The following ZMYND8 variants were observed in gnomAD, a reference collection of about 807,000 sequenced individuals.
ZMYND8 encodes the protein zinc finger MYND-type containing 8.
In ZMYND8, 37 loss-of-function variants were observed where a neutral mutation model predicts 140.8. The observed-to-expected ratio is 0.26, with a 90% confidence interval of 0.20 to 0.35. The LOEUF is 0.35. ZMYND8 is among the 10% of genes least tolerant of loss of function. The probability of loss-of-function intolerance (pLI) is 1.00; values close to 1 mark genes in which losing one functional copy is unlikely to be tolerated. For synonymous variants in ZMYND8, 592 were observed against 597.1 expected, an observed-to-expected ratio of 0.99 and a Z score of 0.12; for missense variants, 1,068 against 1,570.0, an observed-to-expected ratio of 0.68 and a Z score of 5.40.
intron 2 of ZMYND8, chr20:47,319,292 G>A (rs564479529): frequency 1.6e-5 from 5 of 316,064 alleles, no homozygotes; most frequent in Non-Finnish European, 2.5e-5. Context: ...GCAGTGCACC[G>A]AAGAGCCATT....
chr20:47,254,288 C>T (rs372533590), intron 12 of ZMYND8, among the ~76,000 whole-genome samples: 1 of 152,142 alleles, frequency 6.6e-6, no homozygotes, highest in African/African-American at 2.4e-5. Context: ...AAATCAGAAC[C>T]ACCTCTTTAG....
At chr20:47,313,817 C>G (rs1438947735) in intron 2 of ZMYND8, among the ~76,000 whole-genome samples, 1 of 151,800 alleles carries the variant, frequency 6.6e-6, no homozygotes, top group African/African-American at 2.4e-5. Flanking sequence ...CCTATAGTCC[C>G]AGCTACTTGG....
intron 21 of ZMYND8, among the ~76,000 whole-genome samples, chr20:47,215,383 A>G (rs2035938002): frequency 6.6e-6 from 1 of 151,258 alleles, no homozygotes. Context: ...AAATACTAAT[A>G]ATAATAATAA....
Position 47,221,364 on chromosome 20 carries a change from C to T in ZMYND8, c.3367G>A (p.Ala1123Thr), listed in dbSNP as rs143716806. Residue 1123 changes from alanine (A) to threonine (T), a missense_variant, in exon 20 of 23, where the codon GCC (alanine) becomes ACC (threonine). Physicochemically the swap from Ala to Thr is moderately conservative, Grantham distance 58. Around this residue, in one of 10 missense-constraint regions of ZMYND8, gnomAD observed 180 missense variants for 187.8 expected, o/e 0.96. Coordinates refer to ENST00000471951, the MANE Select transcript of ZMYND8 (RefSeq NM_001281775.3). ...TQSAPSETAS[A>T]SKEKETSAEK... is the part of the protein sequence containing the mutation. ...GCTGACGTCTCCTTCTCTTTGGAGGCGCTGGCCGTTTCTGAAGGTGCTGAT... is the reference window on the plus strand; with the variant it reads ...GCTGACGTCTCCTTCTCTTTGGAGGTGCTGGCCGTTTCTGAAGGTGCTGAT... 381 of 1,614,182 alleles carry T rather than the reference C, an allele frequency of 2.4e-4. No individual in the cohort carries two copies. Among genetic ancestry groups the T allele is most frequent in the Middle Eastern group, 1.7e-3 (10 of 6,058 alleles).
intron 19 of ZMYND8, among the ~76,000 whole-genome samples, chr20:47,223,349 T>C (rs2037254864): frequency 6.6e-6 from 1 of 151,248 alleles, no homozygotes; most frequent in African/African-American, 2.4e-5. Context: ...CTACTAATAA[T>C]ACAAAAATTA....
intron 15 of ZMYND8, chr20:47,237,471 C>T (rs1162680916): frequency 6.6e-6 from 1 of 152,072 alleles, no homozygotes; most frequent in Non-Finnish European, 1.5e-5. Context: ...TTCTTGGTAG[C>T]AATTAAACTC....
rs552024226 is a variant in ZMYND8 at position 47,330,297 on chromosome 20, C to T, written c.85+17559G>A. Among the ~76,000 whole-genome samples, 58 of 152,106 alleles carry T rather than the reference C, an allele frequency of 3.8e-4. 1 individual carries two copies. The South Asian group carries it at 0.011, about 30-fold the overall frequency. ...CTCCACCTTCTGGGCTCAAGATATC[C>T]TCCCACCTCAGCCTCCCAAGTAGCT... On this transcript the variant is annotated intron_variant, in intron 2 of 22. Transcript: ENST00000471951.
At chr20:47,316,738 T>C (rs1248193938) in intron 2 of ZMYND8, among the ~76,000 whole-genome samples, 2 of 149,864 alleles carry the variant, frequency 1.3e-5, no homozygotes, top group Non-Finnish European at 3.0e-5. Context: ...GAGGTTGTGG[T>C]GAGCCAAGAT....
At position 47,229,794 on chromosome 20, in the gene ZMYND8, T is replaced by C. The variant is rs550264347; in HGVS notation, c.2869A>G (p.Ile957Val). ...TATATTTCTGTCATTGTTCCTTTTA[T>C]TGCATCCATCATCTGAAAGATAAAA... Reference protein sequence around the residue: ...AKYTSKMMDAIKGTMTEIYND... With the variant: ...AKYTSKMMDAVKGTMTEIYND... Residue 957 changes from isoleucine (I) to valine (V), a missense_variant, in exon 17 of 23, where the codon ATA (isoleucine) becomes GTA (valine). By Grantham distance (29) the Ile-to-Val change is conservative (BLOSUM62 3). Transcript: ENST00000471951. 8 of 1,612,986 alleles carry C rather than the reference T, an allele frequency of 5.0e-6. No homozygotes were observed. Among genetic ancestry groups the C allele is most frequent in the South Asian group, 2.2e-5 (2 of 90,826 alleles).
At chr20:47,256,022 G>A (rs1267233366) in intron 12 of ZMYND8, among the ~76,000 whole-genome samples, 2 of 148,004 alleles carry the variant, frequency 1.4e-5, no homozygotes, top group African/African-American at 2.5e-5. Context: ...GCAGAGAGCC[G>A]AGATTGTACC....
At chr20:47,328,415 A>C (rs2148424127) in intron 2 of ZMYND8, among the ~76,000 whole-genome samples, 1 of 151,790 alleles carries the variant, frequency 6.6e-6, no homozygotes, top group Admixed American at 6.6e-5. Flanking sequence ...ACTGATTTTT[A>C]TCATTTGAAA....
intron 6 of ZMYND8, 115 bp from the exon 7 acceptor site, chr20:47,290,389 CTTCTA>C: frequency 1.3e-6 from 1 of 790,910 alleles, no homozygotes; most frequent in African/African-American, 1.8e-5. Flanking sequence ...AATTAGTGTT[CTTCTA>C]TTCATTTCCC....
At chr20:47,347,667 A>C (rs1184696336) in intron 2 of ZMYND8, among the ~76,000 whole-genome samples, 189 bp downstream of exon 2, 1 of 152,226 alleles carries the variant, frequency 6.6e-6, no homozygotes, top group Non-Finnish European at 1.5e-5. Context: ...GGCACCAGGG[A>C]AAGAAAACCA....
intron 12 of ZMYND8, among the ~76,000 whole-genome samples, chr20:47,255,725 TATATATA>T (rs1348588796): frequency 1.5e-4 from 1 of 6,792 alleles, no homozygotes; most frequent in Non-Finnish European, 3.7e-4. Flanking sequence ...TATGTGTGTA[TATATATA>T]TATATATATA....
At chr20:47,226,955 C>T (rs1006378915) in intron 18 of ZMYND8, among the ~76,000 whole-genome samples, 1 of 152,162 alleles carries the variant, frequency 6.6e-6, no homozygotes, top group Non-Finnish European at 1.5e-5. Flanking sequence ...AGCTGCCGTG[C>T]CTGACCAATC....
chr20:47,245,497 C>T lies in ZMYND8; in HGVS notation c.2284+511G>A, dbSNP rs529361673. On this transcript the variant is annotated intron_variant, in intron 14 of 22. Transcript: ENST00000471951. ...CTGACCTCAAATGATCCACCCGCCT[C>T]GGCCTCCCCAAGTGCTGGGATTACA... Among the ~76,000 whole-genome samples the T allele has an allele frequency of 1.2e-3, 177 of 152,312 alleles. 1 individual carries two copies. The highest frequency in any genetic ancestry group is 4.2e-3 in the African/African-American group (173 of 41,586).
chr20:47,244,979 C>G (rs1285214885), intron 14 of ZMYND8, among the ~76,000 whole-genome samples: 1 of 152,094 alleles, frequency 6.6e-6, no homozygotes, highest in Admixed American at 6.5e-5. Context: ...ATCACTTGAA[C>G]CCGGGAGGCG....
chr20:47,266,335 A>G (rs1381087107), intron 11 of ZMYND8, among the ~76,000 whole-genome samples: 1 of 152,112 alleles, frequency 6.6e-6, no homozygotes, highest in African/African-American at 2.4e-5. Context: ...GCTGCAGTGC[A>G]ATGGTGCAAT....
intron 16 of ZMYND8, among the ~76,000 whole-genome samples, chr20:47,232,968 G>A (rs372817297): frequency 1.3e-4 from 19 of 149,180 alleles, no homozygotes; most frequent in African/African-American, 4.5e-4. Flanking sequence ...GTGAAGTGGC[G>A]CAATCTCAGC....
Sources: allele counts gnomAD v4.1 joint callset (sites outside exome capture counted in the v4.1 genomes callset), GRCh38; gene constraint gnomAD v4.1.1; regional missense constraint gnomAD v4.1.1; transcripts MANE v1.5; gene names NCBI Gene and HGNC (gene_info 2026-07-23, HGNC 2026-07-21).